FBXL13: variants seen among roughly 807,000 people sequenced by gnomAD.
FBXL13 encodes F-box and leucine-rich repeat protein 13.
A neutral mutation model predicts 83.6 loss-of-function variants in FBXL13; 67 were observed. That is an observed-to-expected ratio of 0.80 (90% CI 0.66 to 0.98). FBXL13 has a LOEUF of 0.98. FBXL13 is among the 50% of genes least tolerant of loss of function. FBXL13 has a pLI of 0.00. For synonymous variants in FBXL13, 272 were observed against 299.5 expected, an observed-to-expected ratio of 0.91 and a Z score of 0.95; for missense variants, 822 against 866.5, an observed-to-expected ratio of 0.95 and a Z score of 0.64.
At chr7:103,015,573 A>G (rs887292468) in intron 6 of FBXL13, among the ~76,000 whole-genome samples, 1 of 152,124 alleles carries the variant, frequency 6.6e-6, no homozygotes, top group Non-Finnish European at 1.5e-5. Flanking sequence ...TGAGGCAGGT[A>G]GATCACTTGA....
chr7:103,024,861 T>C (rs866519835), intron 6 of FBXL13, among the ~76,000 whole-genome samples: 1 of 120,590 alleles, frequency 8.3e-6, no homozygotes, highest in Non-Finnish European at 1.7e-5. Flanking sequence ...ATATATATTT[T>C]TTTTTTTTTT....
chr7:102,841,924 C>T (rs1364676344), intron 17 of FBXL13, among the ~76,000 whole-genome samples: 2 of 152,126 alleles, frequency 1.3e-5, no homozygotes, highest in East Asian at 3.8e-4. Context: ...GTTGCTTTCT[C>T]CACAAGCTAC....
At chr7:103,040,097 C>T (rs1398628720) in intron 2 of FBXL13, among the ~76,000 whole-genome samples, 1 of 151,160 alleles carries the variant, frequency 6.6e-6, no homozygotes, top group Admixed American at 6.6e-5. Context: ...TGCAAAGATG[C>T]ACATAAGCTC....
chr7:103,055,025 A>C, intron 2 of FBXL13, 63 bp downstream of exon 3: 1 of 1,044,842 alleles, frequency 9.6e-7, no homozygotes, highest in Non-Finnish European at 1.3e-6. Context: ...TATAAAATCT[A>C]CTTGGAAAAT....
At chr7:102,942,455 T>G (rs1441967014) in intron 8 of FBXL13, 2 of 840,596 alleles carry the variant, frequency 2.4e-6, no homozygotes, top group Non-Finnish European at 3.5e-6. Context: ...TACTAGGGGG[T>G]TTTTACCTCC....
At chr7:103,065,521 C>T (rs547864301) in intron 1 of FBXL13, among the ~76,000 whole-genome samples, 34 of 152,242 alleles carry the variant, frequency 2.2e-4, no homozygotes, top group African/African-American at 7.9e-4. Context: ...GAAATCACAC[C>T]CGTGTTTTGA....
chr7:102,846,332 T>C (rs1803942468), intron 17 of FBXL13, among the ~76,000 whole-genome samples: 2 of 152,170 alleles, frequency 1.3e-5, no homozygotes, highest in Non-Finnish European at 2.9e-5. Context: ...AATTAATTAA[T>C]CTGAGGCTGG....
At chr7:103,034,530 C>T (rs953766085) in intron 2 of FBXL13, among the ~76,000 whole-genome samples, 2 of 152,266 alleles carry the variant, frequency 1.3e-5, no homozygotes, top group African/African-American at 4.8e-5. Context: ...CCACCCGGAA[C>T]TCCCGCTGGC....
intron 2 of FBXL13, among the ~76,000 whole-genome samples, chr7:103,038,518 T>A (rs921709607): frequency 1.3e-5 from 2 of 152,210 alleles, no homozygotes; most frequent in Non-Finnish European, 2.9e-5. Context: ...CTCAAGCAGG[T>A]CCCTGACCCC....
At chr7:102,842,671 C>T (rs968353835) in intron 17 of FBXL13, among the ~76,000 whole-genome samples, 8 of 152,192 alleles carry the variant, frequency 5.3e-5, no homozygotes, top group African/African-American at 1.9e-4. Context: ...ACAGGCTGGT[C>T]ATAGGCCATT....
chr7:102,976,029 T>G, intron 6 of FBXL13: 1 of 766,414 alleles, frequency 1.3e-6, no homozygotes. Flanking sequence ...CACGAGGCCA[T>G]GCCCCCTCTG....
intron 16 of FBXL13, among the ~76,000 whole-genome samples, chr7:102,872,449 C>T (rs751182518): frequency 6.6e-6 from 1 of 152,144 alleles, no homozygotes; most frequent in African/African-American, 2.4e-5. Flanking sequence ...ATCTTGTACT[C>T]ATAATAAAAA....
chr7:103,018,605 C>A (rs1320092332), intron 6 of FBXL13, among the ~76,000 whole-genome samples: 1 of 151,966 alleles, frequency 6.6e-6, no homozygotes, highest in Non-Finnish European at 1.5e-5. Flanking sequence ...CACACATAGG[C>A]TCAAAATAAA....
intron 6 of FBXL13, among the ~76,000 whole-genome samples, chr7:102,984,640 G>A (rs777989478): frequency 9.9e-5 from 15 of 152,014 alleles, no homozygotes; most frequent in South Asian, 4.2e-4. Context: ...TTTTAATGCC[G>A]TACTTTCAAT....
intron 6 of FBXL13, among the ~76,000 whole-genome samples, chr7:102,998,989 C>G (rs945117054): frequency 6.6e-6 from 1 of 152,086 alleles, no homozygotes; most frequent in African/African-American, 2.4e-5. Flanking sequence ...GCATCCTTGC[C>G]TTATTCCTAA....
At chr7:103,042,328 A>C (rs1391970920) in intron 2 of FBXL13, among the ~76,000 whole-genome samples, 2 of 152,258 alleles carry the variant, frequency 1.3e-5, no homozygotes, top group East Asian at 3.8e-4. Flanking sequence ...AAAAGAGGAC[A>C]CAAACAAATG....
At chr7:102,837,733 G>A (rs1252306329) in intron 17 of FBXL13, among the ~76,000 whole-genome samples, 1 of 152,124 alleles carries the variant, frequency 6.6e-6, no homozygotes, top group Admixed American at 6.5e-5. Context: ...TATAGAGACA[G>A]GGTCTCACTA....
rs191240827 is a variant in FBXL13 at position 103,001,613 on chromosome 7, G to A, written c.495+23450C>T. 3.9e-5 allele frequency among the ~76,000 whole-genome samples: 6 copies of A among 152,334 alleles called. No individual in the cohort carries two copies. In the East Asian group the frequency reaches 1.2e-3, roughly 29 times the overall value. ...TCACATCCTATTGGCTGCCAGCATA[G>A]CTAGAACAAAGCAGGCAGAAGGAGG... is the stretch of plus-strand genomic sequence containing the variant. On this transcript the variant is annotated intron_variant, in intron 6 of 19. Coordinates refer to ENST00000313221, the Ensembl canonical transcript of FBXL13.
intron 11 of FBXL13, among the ~76,000 whole-genome samples, chr7:102,886,652 A>C (rs1810834402): frequency 6.6e-6 from 1 of 152,198 alleles, no homozygotes; most frequent in African/African-American, 2.4e-5. Flanking sequence ...CATGGTGCCT[A>C]TAACAACTGA....
Sources: gnomAD v4.1 joint callset for allele counts (sites outside exome capture counted in the v4.1 genomes callset) on GRCh38, gnomAD v4.1.1 for gene constraint, MANE v1.5 for transcripts, NCBI Gene and HGNC (gene_info 2026-07-23, HGNC 2026-07-21) for gene names.